PCDH15: variants seen among roughly 807,000 people sequenced by gnomAD.
The protein encoded by PCDH15 is protocadherin-15.
Under a neutral mutation model 178.5 loss-of-function variants are expected in PCDH15, and 129 were observed. The ratio of observed to expected loss-of-function variants is 0.72; its 90% CI spans 0.63 to 0.84. The LOEUF is 0.84. Ranked by LOEUF, PCDH15 falls within the 40% of genes least tolerant of loss-of-function variation. PCDH15 has a pLI of 0.00. For synonymous variants in PCDH15, 800 were observed against 732.0 expected (o/e 1.09, Z -1.50); for missense variants, 2,230 against 2,099.9 (o/e 1.06, Z -1.21).
Position 54,629,151 on chromosome 10 carries a change from A to T in PCDH15, c.91+35021T>A, listed in dbSNP as rs529386528. Reference sequence around the variant, plus strand: ...GCATATGCTTCAACACAAAAAAAAAATTTGAGTGCAAAACTATTAAGTAAA... The same window carrying T: ...GCATATGCTTCAACACAAAAAAAAATTTTGAGTGCAAAACTATTAAGTAAA... On this transcript the variant is annotated intron_variant, in intron 2 of 37. Coordinates refer to ENST00000644397, the MANE Select transcript of PCDH15 (RefSeq NM_001384140.1). Among the ~76,000 whole-genome samples the T allele has an allele frequency of 1.7e-3, 256 of 152,196 alleles. 2 individuals are homozygous for T. The highest frequency in any genetic ancestry group is 5.9e-3 in the African/African-American group (245 of 41,526).
At chr10:55,025,614 C>G (rs1840459084) in intron 2 of PCDH15, among the ~76,000 whole-genome samples, 1 of 151,890 alleles carries the variant, frequency 6.6e-6, no homozygotes, top group African/African-American at 2.4e-5. Flanking sequence ...TTAATTATAG[C>G]TTAGTATGAC....
intron 21 of PCDH15, among the ~76,000 whole-genome samples, chr10:53,969,144 AG>A (rs1459125233): frequency 7.2e-5 from 11 of 152,314 alleles, no homozygotes; most frequent in African/African-American, 2.2e-4. Context: ...TAGAATAAAC[AG>A]TGTAGAGAAG....
chr10:55,493,020 T>G (rs1840453159), intron 2 of PCDH15, among the ~76,000 whole-genome samples: 1 of 151,568 alleles, frequency 6.6e-6, no homozygotes, highest in African/African-American at 2.4e-5. Context: ...TCTCTTAGAT[T>G]AGAGAATAAA....
intron 1 of PCDH15, among the ~76,000 whole-genome samples, chr10:54,753,983 T>TA (rs1298189991): frequency 1.5e-5 from 2 of 130,050 alleles, no homozygotes; most frequent in Admixed American, 7.9e-5. Flanking sequence ...TGATTTTTTT[T>TA]TTTTATTATT....
intron 2 of PCDH15, among the ~76,000 whole-genome samples, chr10:55,404,170 C>A (rs1269562030): frequency 6.6e-6 from 1 of 151,992 alleles, no homozygotes; most frequent in African/African-American, 2.4e-5. Context: ...CTAGGAAGAG[C>A]TATCCTAGTC....
chr10:53,972,564 A>C (rs568691287), intron 21 of PCDH15, among the ~76,000 whole-genome samples: 1 of 152,352 alleles, frequency 6.6e-6, no homozygotes, highest in East Asian at 1.9e-4. Context: ...AATATCCAGA[A>C]TCTACAAAGA....
At chr10:54,206,381 C>G (rs1050903096) in intron 10 of PCDH15, among the ~76,000 whole-genome samples, 1 of 152,096 alleles carries the variant, frequency 6.6e-6, no homozygotes, top group Non-Finnish European at 1.5e-5. Flanking sequence ...TGGGTATAAA[C>G]AGCAAGGTCA....
intron 2 of PCDH15, among the ~76,000 whole-genome samples, chr10:55,437,901 G>C (rs2132064888): frequency 7.1e-6 from 1 of 139,978 alleles, no homozygotes; most frequent in African/African-American, 2.7e-5. Context: ...GCAATGGCGT[G>C]ATCTCGGCTC....
chr10:55,136,025 TACA>T (rs201048434), intron 2 of PCDH15, among the ~76,000 whole-genome samples: 2 of 152,280 alleles, frequency 1.3e-5, no homozygotes, highest in East Asian at 3.9e-4. Context: ...AATAATGAAG[TACA>T]ACAAGTGGTC....
At chr10:54,137,938 C>T (rs2043038536) in intron 14 of PCDH15, among the ~76,000 whole-genome samples, 1 of 152,056 alleles carries the variant, frequency 6.6e-6, no homozygotes, top group South Asian at 2.1e-4. Context: ...CAGTTGCTCA[C>T]CCAATTTTCA....
At chr10:53,985,526 A>C (rs1366125189) in intron 21 of PCDH15, among the ~76,000 whole-genome samples, 3 of 152,184 alleles carry the variant, frequency 2.0e-5, no homozygotes, top group Non-Finnish European at 4.4e-5. Flanking sequence ...GGTGAGTGGA[A>C]CAGCCAGGTG....
At chr10:54,817,648 C>T (rs1952970188) in intron 3 of PCDH15, among the ~76,000 whole-genome samples, 2 of 151,918 alleles carry the variant, frequency 1.3e-5, no homozygotes, top group African/African-American at 4.8e-5. Flanking sequence ...AAGTCATTTG[C>T]ATTAAAATAA....
At chr10:54,678,234 C>A (rs1377660942) in intron 1 of PCDH15, among the ~76,000 whole-genome samples, 1 of 152,050 alleles carries the variant, frequency 6.6e-6, no homozygotes, top group Non-Finnish European at 1.5e-5. Flanking sequence ...AGTAAGAATG[C>A]ATTTTGGGCA....
chr10:54,719,511 C>CT (rs139515670), intron 1 of PCDH15, among the ~76,000 whole-genome samples: 18 of 148,948 alleles, frequency 1.2e-4, no homozygotes, highest in South Asian at 1.1e-3. Flanking sequence ...TTATTATTTC[C>CT]TTTTTTTTTT....
intron 2 of PCDH15, among the ~76,000 whole-genome samples, chr10:55,392,217 A>G (rs1837809989): frequency 1.3e-5 from 2 of 152,252 alleles, no homozygotes; most frequent in Non-Finnish European, 2.9e-5. Context: ...TGCAAGAATT[A>G]CTAAAATGTG....
Position 53,999,433 on chromosome 10 carries a change from C to T in PCDH15, c.2752-3668G>A, listed in dbSNP as rs527351640. Among the ~76,000 whole-genome samples, 14 of 152,200 alleles carry T rather than the reference C, an allele frequency of 9.2e-5. No homozygotes were observed. The East Asian group carries it at 2.7e-3, about 29-fold the overall frequency. On this transcript the variant is annotated intron_variant, in intron 20 of 37. Coordinates refer to ENST00000644397, the MANE Select transcript of PCDH15 (RefSeq NM_001384140.1). Reference sequence around the variant, plus strand: ...TTTCTGTATTGTCTCCTTGTCTTTACTGACTTATTTCCCTTCTTTTATGCT... The same window carrying T: ...TTTCTGTATTGTCTCCTTGTCTTTATTGACTTATTTCCCTTCTTTTATGCT...
chr10:54,619,748 G>A (rs2093295694), intron 2 of PCDH15, among the ~76,000 whole-genome samples: 1 of 152,104 alleles, frequency 6.6e-6, no homozygotes, highest in Admixed American at 6.6e-5. Context: ...TGCCGCACTA[G>A]AACCATCATA....
intron 14 of PCDH15, among the ~76,000 whole-genome samples, chr10:54,137,687 C>T (rs116027700): frequency 1.3e-3 from 204 of 152,304 alleles, no homozygotes; most frequent in African/African-American, 4.7e-3. Context: ...GCTATGTAAA[C>T]ACTAACTGTA....
chr10:55,565,399 A>G (rs944281638), intron 2 of PCDH15, among the ~76,000 whole-genome samples: 1 of 151,698 alleles, frequency 6.6e-6, no homozygotes, highest in Non-Finnish European at 1.5e-5. Flanking sequence ...TAAAAGTAAG[A>G]AATATTTTCT....
Sources: gnomAD v4.1 joint callset for allele counts (sites outside exome capture counted in the v4.1 genomes callset) on GRCh38, gnomAD v4.1.1 for gene constraint, MANE v1.5 for transcripts, NCBI Gene and HGNC (gene_info 2026-07-23, HGNC 2026-07-21) for gene names.